The following BLTP3B variants were observed in gnomAD, a reference collection of about 807,000 sequenced individuals.
BLTP3B encodes UHRF1 (ICBP90) binding protein 1-like.
At chr12:100,092,105 A>T in the BLTP3B span, among the ~76,000 whole-genome samples, 3 of 152,158 alleles carry the variant, frequency 2.0e-5, no homozygotes, top group Non-Finnish European at 4.4e-5. Flanking sequence ...GCCCCTATGA[A>T]TAATGTTAAT....
At chr12:100,097,004 T>C in the BLTP3B span, among the ~76,000 whole-genome samples, 2 of 152,082 alleles carry the variant, frequency 1.3e-5, no homozygotes, top group African/African-American at 4.8e-5. Flanking sequence ...CACTTTAGCC[T>C]GGGAGGTCAA....
At chr12:100,079,832 G>A in the BLTP3B span, among the ~76,000 whole-genome samples, 1 of 152,208 alleles carries the variant, frequency 6.6e-6, no homozygotes, top group East Asian at 1.9e-4. Context: ...CCTGTGCTAT[G>A]TGCAGCCTAG....
chr12:100,086,661 C>T, the BLTP3B span, among the ~76,000 whole-genome samples: 1 of 152,158 alleles, frequency 6.6e-6, no homozygotes, highest in Non-Finnish European at 1.5e-5. Flanking sequence ...ATATGTCAGG[C>T]ATTATTTTAA....
chr12:100,094,777 T>C, the BLTP3B span, among the ~76,000 whole-genome samples: 2 of 152,168 alleles, frequency 1.3e-5, no homozygotes, highest in South Asian at 2.1e-4. Context: ...CAAAAATTGC[T>C]TGAACCTGGG....
the BLTP3B span, among the ~76,000 whole-genome samples, chr12:100,139,217 C>T: frequency 3.3e-5 from 5 of 152,198 alleles, no homozygotes; most frequent in Non-Finnish European, 7.3e-5. Flanking sequence ...AGGCAAGGAA[C>T]AAGTATATAG....
chr12:100,069,627 T>C, the BLTP3B span, among the ~76,000 whole-genome samples: 1 of 152,132 alleles, frequency 6.6e-6, no homozygotes, highest in African/African-American at 2.4e-5. Context: ...AAACATCGTA[T>C]GTTCTTCCTC....
chr12:100,099,575 C>T, the BLTP3B span, among the ~76,000 whole-genome samples: 3 of 150,266 alleles, frequency 2.0e-5, no homozygotes, highest in African/African-American at 7.4e-5. Context: ...AGACAGATCT[C>T]GTATCCGTAG....
At chr12:100,101,619 GACA>G in the BLTP3B span, among the ~76,000 whole-genome samples, 31 of 152,094 alleles carry the variant, frequency 2.0e-4, no homozygotes, top group Non-Finnish European at 3.5e-4. Flanking sequence ...CAAAAAAGCA[GACA>G]ACATATTTTT....
At chr12:100,047,973 T>C in the BLTP3B span, 2 of 1,543,044 alleles carry the variant, frequency 1.3e-6, no homozygotes, top group Non-Finnish European at 1.7e-6. Flanking sequence ...TAGAAACTTG[T>C]ATCTTCATTG....
the BLTP3B span, chr12:100,084,437 ACT>A: frequency 6.5e-7 from 1 of 1,546,080 alleles, no homozygotes; most frequent in South Asian, 1.2e-5. Context: ...GAGTGCAAAC[ACT>A]CTTAATATTA....
At chr12:100,050,919 G>A in the BLTP3B span, among the ~76,000 whole-genome samples, 11 of 152,308 alleles carry the variant, frequency 7.2e-5, no homozygotes, top group African/African-American at 1.7e-4. Flanking sequence ...AAGGAAAAAC[G>A]ATTGGGGGGA....
chr12:100,072,881 C>T, the BLTP3B span: 2 of 1,485,970 alleles, frequency 1.3e-6, no homozygotes, highest in Non-Finnish European at 1.8e-6. Flanking sequence ...TTATGCAACC[C>T]AGACAGTACT....
At chr12:100,120,716 TCTA>T in the BLTP3B span, among the ~76,000 whole-genome samples, 1 of 152,050 alleles carries the variant, frequency 6.6e-6, no homozygotes, top group Admixed American at 6.6e-5. Flanking sequence ...ACCTAACCAT[TCTA>T]CTACTAAGAA....
At chr12:100,071,943 G>A in the BLTP3B span, among the ~76,000 whole-genome samples, 1 of 152,190 alleles carries the variant, frequency 6.6e-6, no homozygotes, top group African/African-American at 2.4e-5. Flanking sequence ...AAAGTAAGTT[G>A]AATATCTGGA....
the BLTP3B span, among the ~76,000 whole-genome samples, chr12:100,125,357 T>A: frequency 2.6e-3 from 305 of 119,260 alleles, 1 homozygote; most frequent in African/African-American, 0.011. Flanking sequence ...AAAAAAAAAA[T>A]CTGGGCATCA....
the BLTP3B span, among the ~76,000 whole-genome samples, chr12:100,104,204 C>CTTTT: frequency 7.6e-6 from 1 of 131,652 alleles, no homozygotes; most frequent in African/African-American, 2.8e-5. Flanking sequence ...TTCTTTTTTT[C>CTTTT]TTTTTTTTTT....
At chr12:100,124,971 TATA>T in the BLTP3B span, among the ~76,000 whole-genome samples, 35 of 108,206 alleles carry the variant, frequency 3.2e-4, no homozygotes, top group African/African-American at 1.4e-3. Context: ...TATATATATA[TATA>T]TATATTTATA....
chr12:100,123,491 T>C, the BLTP3B span, among the ~76,000 whole-genome samples: 1 of 152,122 alleles, frequency 6.6e-6, no homozygotes, highest in Admixed American at 6.6e-5. Context: ...ACCAGCTGTG[T>C]GCCCTCTAAT....
At chr12:100,046,960 C>A in the BLTP3B span, among the ~76,000 whole-genome samples, 1 of 152,144 alleles carries the variant, frequency 6.6e-6, no homozygotes, top group African/African-American at 2.4e-5. Context: ...TCAAAGGCCT[C>A]TCTCACTTTC....
Sources: gnomAD v4.1 joint callset for allele counts (sites outside exome capture counted in the v4.1 genomes callset) on GRCh38, gnomAD v4.1.1 for gene constraint, MANE v1.5 for transcripts, NCBI Gene and HGNC (gene_info 2026-07-23, HGNC 2026-07-21) for gene names.